The following GRIK4 variants were observed in gnomAD, a reference collection of about 807,000 sequenced individuals.
GRIK4 encodes glutamate receptor ionotropic, kainate 4.
A neutral mutation model predicts 104.9 loss-of-function variants in GRIK4; 40 were observed. The ratio of observed to expected loss-of-function variants is 0.38; its 90% CI spans 0.30 to 0.50. The LOEUF is 0.50. GRIK4 is among the 20% of genes least tolerant of loss of function. The pLI, the probability that GRIK4 is intolerant of heterozygous loss-of-function variation, is 0.93. For synonymous variants in GRIK4, 485 were observed against 524.9 expected (o/e 0.92, Z 1.04); for missense variants, 1,047 against 1,308.1 (o/e 0.80, Z 3.08).
intron 1 of GRIK4, among the ~76,000 whole-genome samples, chr11:120,518,766 C>T (rs1947760191): frequency 1.3e-5 from 2 of 152,080 alleles, no homozygotes; most frequent in South Asian, 4.1e-4. Context: ...TTACAGGTGC[C>T]CAATACCACC....
rs116476099 is a variant in GRIK4, at chr11:120,524,221, G to A, written c.-159+12334G>A. On this transcript the variant is annotated intron_variant, in intron 1 of 20. Coordinates refer to ENST00000527524, the MANE Select transcript of GRIK4 (RefSeq NM_014619.5). The surrounding 1 kb of genome is among the most constrained non-coding windows in gnomAD (Gnocchi z 4.5). The stretch of plus-strand genomic sequence containing the variant: ...ATTAGCGGCGTGAGCCACCGCGTCT[G>A]GCCGTTTCTGCATTCTTTCCCCAAC... Among the ~76,000 whole-genome samples, 4,386 of 152,258 alleles carry A rather than the reference G, an allele frequency of 0.029. 199 individuals carry two copies. Among genetic ancestry groups the A allele is most frequent in the African/African-American group, 0.099 (4,120 of 41,526 alleles).
At chr11:120,742,165 G>A (rs1296746527) in intron 3 of GRIK4, among the ~76,000 whole-genome samples, 1 of 151,990 alleles carries the variant, frequency 6.6e-6, no homozygotes, top group Non-Finnish European at 1.5e-5. Flanking sequence ...GGCCAACATG[G>A]GGAAACCCCG....
At chr11:120,591,837 C>T (rs1455234615) in intron 1 of GRIK4, among the ~76,000 whole-genome samples, 1 of 152,212 alleles carries the variant, frequency 6.6e-6, no homozygotes, top group African/African-American at 2.4e-5. Flanking sequence ...TGCATCCCTC[C>T]TCCTCTTCTT....
At position 120,939,153 on chromosome 11, in the gene GRIK4, G is replaced by A. The variant is rs1448788848; in HGVS notation, c.1477-1194G>A. On this transcript the variant is annotated intron_variant, in intron 13 of 20. Transcript: ENST00000527524. The surrounding 1 kb of genome is among the most constrained non-coding windows in gnomAD (Gnocchi z 5.6). ...GCTTTTCCCACTGCCCCATGTGTAG[G>A]AGAGTAGACTAATAGGAAACAGACT... Among the ~76,000 whole-genome samples the A allele has an allele frequency of 1.3e-5, 2 of 152,192 alleles. No homozygotes were observed. The highest frequency in any genetic ancestry group is 2.4e-5 in the African/African-American group (1 of 41,436).
At chr11:120,881,803 G>C (rs967829343) in intron 11 of GRIK4, among the ~76,000 whole-genome samples, 2 of 152,308 alleles carry the variant, frequency 1.3e-5, no homozygotes, top group South Asian at 4.1e-4. Context: ...ATCCTCCTGC[G>C]TTGGCAGCAG....
intron 3 of GRIK4, among the ~76,000 whole-genome samples, chr11:120,709,469 C>T (rs1053307416): frequency 6.6e-6 from 1 of 152,150 alleles, no homozygotes; most frequent in South Asian, 2.1e-4. Context: ...CCCAGCCCTT[C>T]TCCTTATCTT....
At position 120,833,753 on chromosome 11, in the gene GRIK4, T is replaced by C. The variant is rs112275921; in HGVS notation, c.690+1723T>C. ...CACAATCCTATCACCCAGAGCTATT[T>C]AACCACTGTTAAATTTTGATGTCTG... On this transcript the variant is annotated intron_variant, in intron 7 of 20. Transcript: ENST00000527524. Among the ~76,000 whole-genome samples the C allele has an allele frequency of 4.0e-4, 61 of 152,384 alleles. 2 individuals carry two copies. The highest frequency in any genetic ancestry group is 1.3e-3 in the African/African-American group (54 of 41,590).
At chr11:120,910,950 GA>G (rs1303431531) in intron 13 of GRIK4, among the ~76,000 whole-genome samples, 8 of 152,178 alleles carry the variant, frequency 5.3e-5, no homozygotes, top group African/African-American at 1.9e-4. Context: ...TGCCAGTGAG[GA>G]GAGAGTACGA....
At chr11:120,815,310 T>C in intron 4 of GRIK4, 68 bp from the exon 5 acceptor site, 1 of 871,392 alleles carries the variant, frequency 1.1e-6, no homozygotes, top group Non-Finnish European at 1.9e-6. Context: ...AGGAGAGGAC[T>C]GGGCCATGGC....
At chr11:120,845,510 A>G (rs903982077) in intron 8 of GRIK4, among the ~76,000 whole-genome samples, 2 of 151,990 alleles carry the variant, frequency 1.3e-5, no homozygotes, top group Admixed American at 6.6e-5. Flanking sequence ...CCAAAACTCT[A>G]CAGCTGTTAT....
At position 120,940,032 on chromosome 11, in the gene GRIK4, C is replaced by A. The variant is rs1163020007; in HGVS notation, c.1477-315C>A. On this transcript the variant is annotated intron_variant, in intron 13 of 20. Transcript: ENST00000527524. The surrounding 1 kb of genome is among the most constrained non-coding windows in gnomAD (Gnocchi z 4.3). ...TGCAGGAGCCCAATCTGCCAATTTC[C>A]TCCTCCCAAGCCCCTACCCTAGGAC... Among the ~76,000 whole-genome samples, 2 of 152,076 alleles carry A rather than the reference C, an allele frequency of 1.3e-5. No individual in the cohort carries two copies. The highest frequency in any genetic ancestry group is 1.3e-4 in the Admixed American group (2 of 15,274).
At chr11:120,515,056 G>C (rs1565534041) in intron 1 of GRIK4, 2 of 456,724 alleles carry the variant, frequency 4.4e-6, no homozygotes, top group South Asian at 3.1e-5. Flanking sequence ...ATGCCTTGCA[G>C]GTGAAGGCCC....
chr11:120,630,917 T>A (rs1949325696), intron 1 of GRIK4, among the ~76,000 whole-genome samples: 1 of 152,142 alleles, frequency 6.6e-6, no homozygotes, highest in African/African-American at 2.4e-5. Context: ...ACCTGGGCGA[T>A]CTCTGGGTTC....
intron 11 of GRIK4, among the ~76,000 whole-genome samples, chr11:120,876,607 A>G (rs186611324): frequency 2.0e-5 from 3 of 151,988 alleles, no homozygotes; most frequent in East Asian, 3.9e-4. Flanking sequence ...TACAAAATAG[A>G]TACTTTTTAT....
intron 14 of GRIK4, among the ~76,000 whole-genome samples, chr11:120,945,825 G>T (rs1267216501): frequency 6.6e-6 from 1 of 152,166 alleles, no homozygotes; most frequent in Non-Finnish European, 1.5e-5. Context: ...ACACAACATA[G>T]CATCCACCTG....
At position 120,698,846 on chromosome 11, in the gene GRIK4, C is replaced by G. The variant is rs75743731; in HGVS notation, c.82+38446C>G. 7.4e-3 allele frequency among the ~76,000 whole-genome samples: 1,121 copies of G among 152,350 alleles called. 58 individuals carry two copies. In the East Asian group the frequency reaches 0.13, roughly 18 times the overall value. Reference sequence around the variant, plus strand: ...TCTTAGGAGCCCAGTTACCCCCACTCTAAGTGCAAACATTTTTCTCTATTT... The same window carrying G: ...TCTTAGGAGCCCAGTTACCCCCACTGTAAGTGCAAACATTTTTCTCTATTT... On this transcript the variant is annotated intron_variant, in intron 3 of 20. Coordinates refer to ENST00000527524, the MANE Select transcript of GRIK4 (RefSeq NM_014619.5).
Position 120,819,799 on chromosome 11 carries a change from G to C in GRIK4, c.390G>C (p.Gln130His). 1 of 1,614,178 alleles carries C rather than the reference G, an allele frequency of 6.2e-7. No individual in the cohort carries two copies. The highest frequency in any genetic ancestry group is 8.5e-7 in the Non-Finnish European group (1 of 1,180,028). The stretch of plus-strand genomic sequence containing the variant: ...CCCCAGAGGAGTTCGTCAAGTTCCA[G>C]TTCCAGAGATTCACAACCCTGAACC... ...KVAPEEFVKF[Q>H]FQRFTTLNLH... Residue 130 changes from glutamine (Q) to histidine (H), a missense_variant, in exon 6 of 21, where the codon CAG (glutamine) becomes CAC (histidine). Coordinates refer to ENST00000527524, the MANE Select transcript of GRIK4 (RefSeq NM_014619.5). The surrounding 1 kb of genome is among the most constrained non-coding windows in gnomAD (Gnocchi z 4.3).
In GRIK4 at chr11:120,885,488, C is replaced by T. The variant is rs186260801; in HGVS notation, c.1164+10245C>T. ...GCAACCTGCACTTCCTGGGTTCAAGCGATTCTCTTGTCTCAAGCTCCTAAG... is the reference window on the plus strand; with the variant it reads ...GCAACCTGCACTTCCTGGGTTCAAGTGATTCTCTTGTCTCAAGCTCCTAAG... On this transcript the variant is annotated intron_variant, in intron 11 of 20. Transcript: ENST00000527524. Among the ~76,000 whole-genome samples, 43 of 151,954 alleles carry T rather than the reference C, an allele frequency of 2.8e-4. No individual in the cohort carries two copies. In the East Asian group the frequency reaches 7.9e-3, roughly 28 times the overall value.
intron 11 of GRIK4, among the ~76,000 whole-genome samples, chr11:120,891,273 G>A (rs1441939740): frequency 2.0e-5 from 3 of 152,194 alleles, no homozygotes; most frequent in African/African-American, 7.2e-5. Flanking sequence ...GCCACAGAGA[G>A]GGGAAAGGAC....
Sources: allele counts gnomAD v4.1 joint callset (sites outside exome capture counted in the v4.1 genomes callset), GRCh38; gene constraint gnomAD v4.1.1; non-coding constraint Gnocchi (gnomAD v3.1); transcripts MANE v1.5; gene names NCBI Gene and HGNC (gene_info 2026-07-23, HGNC 2026-07-21).